DOCK1: variants seen among roughly 807,000 people sequenced by gnomAD.
DOCK1 encodes dedicator of cytokinesis 1, also known as dedicator of cytokinesis protein 1.
In DOCK1, 138 loss-of-function variants were observed where a neutral mutation model predicts 262.7. The ratio of observed to expected loss-of-function variants is 0.53; its 90% CI spans 0.46 to 0.61. The LOEUF (loss-of-function observed/expected upper bound fraction) is 0.61, where lower values mean the gene tolerates loss of function less well. Ranked by LOEUF, DOCK1 falls within the 20% of genes least tolerant of loss-of-function variation. The pLI, the probability that DOCK1 is intolerant of heterozygous loss-of-function variation, is 0.00. For missense variants in DOCK1, 1,908 were observed against 2,370.7 expected (o/e 0.80, Z 4.05); for synonymous variants, 866 against 867.4 (o/e 1.00, Z 0.03).
chr10:126,912,016 G>T lies in DOCK1; in HGVS notation c.46+6453G>T, dbSNP rs940512285. On this transcript the variant is annotated intron_variant, in intron 1 of 51. Transcript: ENST00000623213. ...ACAATTCTGTAATGCCGGAGTCAAG[G>T]TGTTTTGGTGGTTGGTTTCTTCTGA... 2.6e-5 allele frequency among the ~76,000 whole-genome samples: 4 copies of T among 152,180 alleles called. No homozygotes were observed. In the East Asian group the frequency reaches 7.7e-4, roughly 29 times the overall value.
At chr10:127,279,806 TG>T (rs1336565203) in intron 29 of DOCK1, among the ~76,000 whole-genome samples, 2 of 152,010 alleles carry the variant, frequency 1.3e-5, no homozygotes, top group East Asian at 3.9e-4. Context: ...TGGGAGAGCC[TG>T]GTAATTTATA....
At chr10:127,147,955 CAGG>C (rs538971250) in intron 27 of DOCK1, among the ~76,000 whole-genome samples, 89 of 148,736 alleles carry the variant, frequency 6.0e-4, no homozygotes, top group African/African-American at 2.2e-3. Context: ...TGCTTCAACC[CAGG>C]AGGAGGAGGG....
chr10:127,243,006 C>T (rs1008287718), intron 27 of DOCK1, among the ~76,000 whole-genome samples: 2 of 152,140 alleles, frequency 1.3e-5, no homozygotes, highest in African/African-American at 4.8e-5. Context: ...CTTAGAAGAA[C>T]GTTAAAATTT....
intron 16 of DOCK1, among the ~76,000 whole-genome samples, chr10:127,029,623 A>G (rs1245859272): frequency 2.0e-5 from 3 of 152,198 alleles, no homozygotes; most frequent in South Asian, 2.1e-4. Flanking sequence ...ACTCCAGAAC[A>G]CACAACCCCT....
intron 4 of DOCK1, 63 bp from the exon 5 acceptor site, chr10:126,987,458 G>A (rs2134956957): frequency 7.3e-7 from 1 of 1,361,766 alleles, no homozygotes; most frequent in Non-Finnish European, 1.0e-6. Flanking sequence ...AAATTTACCA[G>A]GTACTACTCA....
At position 127,437,694 on chromosome 10, in the gene DOCK1, G is replaced by T. The variant is rs1329528638; in HGVS notation, c.5061-1333G>T. Reference sequence around the variant, plus strand: ...GGATCTTGCCATGTTGGCCAGGCTGGTCTCGAACTCCTGAGCTCAAATGAT... The same window carrying T: ...GGATCTTGCCATGTTGGCCAGGCTGTTCTCGAACTCCTGAGCTCAAATGAT... On this transcript the variant is annotated intron_variant, in intron 48 of 51. Coordinates refer to ENST00000623213, the MANE Select transcript of DOCK1 (RefSeq NM_001290223.2). The surrounding 1 kb of genome is among the most constrained non-coding windows in gnomAD (Gnocchi z 4.4). Among the ~76,000 whole-genome samples the T allele has an allele frequency of 6.6e-6, 1 of 152,070 alleles. No individual in the cohort carries two copies. The highest frequency in any genetic ancestry group is 6.6e-5 in the Admixed American group (1 of 15,266).
intron 29 of DOCK1, among the ~76,000 whole-genome samples, chr10:127,332,216 G>A (rs1040536623): frequency 6.6e-6 from 1 of 152,212 alleles, no homozygotes; most frequent in East Asian, 1.9e-4. Flanking sequence ...CCTCAGGCTA[G>A]AGCAGACGCA....
chr10:127,116,934 ACAT>A (rs1330566434), intron 25 of DOCK1, among the ~76,000 whole-genome samples: 3 of 152,204 alleles, frequency 2.0e-5, no homozygotes, highest in Non-Finnish European at 4.4e-5. Flanking sequence ...TGGAATGTAA[ACAT>A]CATTTTCTCT....
rs1035973855 is a variant in DOCK1 at position 126,932,551 on chromosome 10, G to A, written c.46+26988G>A. Among the ~76,000 whole-genome samples the A allele has an allele frequency of 2.7e-3, 414 of 152,264 alleles. 3 individuals are homozygous for A. Among genetic ancestry groups the A allele is most frequent in the African/African-American group, 9.5e-3 (394 of 41,536 alleles). ...TGGAGAGGCGGAGACACCAGGATAT[G>A]TGGCCGTGTGGGACTCTGTCTTGGA... On this transcript the variant is annotated intron_variant, in intron 1 of 51. Coordinates refer to ENST00000623213, the MANE Select transcript of DOCK1 (RefSeq NM_001290223.2).
intron 15 of DOCK1, chr10:127,026,069 A>AAAAG (rs74726326): frequency 6.4e-6 from 2 of 310,222 alleles, no homozygotes; most frequent in Non-Finnish European, 5.9e-6. Flanking sequence ...CAAAAAAAAA[A>AAAAG]AAAGAAAGAA....
intron 29 of DOCK1, among the ~76,000 whole-genome samples, chr10:127,261,386 T>C (rs373717639): frequency 7.2e-6 from 1 of 138,046 alleles, no homozygotes; most frequent in African/African-American, 2.8e-5. Flanking sequence ...GGTGTGTGTG[T>C]ACCTGCATGT....
intron 7 of DOCK1, 59 bp from the exon 8 acceptor site, chr10:126,998,033 A>G: frequency 6.3e-7 from 1 of 1,595,624 alleles, no homozygotes. Context: ...GGAATAAAGA[A>G]AGCAAGTGTC....
intron 12 of DOCK1, among the ~76,000 whole-genome samples, chr10:127,017,154 C>T (rs545584967): frequency 8.8e-6 from 1 of 113,722 alleles, no homozygotes; most frequent in African/African-American, 3.3e-5. Context: ...GATACAGACA[C>T]CACAAACACA....
At position 127,421,072 on chromosome 10, in the gene DOCK1, A is replaced by G. The variant is rs541614425; in HGVS notation, c.4776+1323A>G. Among the ~76,000 whole-genome samples, 306 of 152,040 alleles carry G rather than the reference A, an allele frequency of 2.0e-3. 2 individuals are homozygous for G. The highest frequency in any genetic ancestry group is 7.0e-3 in the African/African-American group (291 of 41,490). ...GCTGGGACTGCAAGTGTGCACCACC[A>G]TGCCCGGCTAATTTTTTTGTACTTG... On this transcript the variant is annotated intron_variant, in intron 46 of 51. Coordinates refer to ENST00000623213, the MANE Select transcript of DOCK1 (RefSeq NM_001290223.2).
intron 1 of DOCK1, among the ~76,000 whole-genome samples, chr10:126,907,080 A>G (rs1200093450): frequency 1.3e-5 from 2 of 152,130 alleles, no homozygotes; most frequent in Non-Finnish European, 2.9e-5. Flanking sequence ...GCACCACCTA[A>G]TGGATTCAGT....
chr10:126,967,678 T>C (rs2037774913), intron 1 of DOCK1, among the ~76,000 whole-genome samples: 2 of 152,132 alleles, frequency 1.3e-5, no homozygotes, highest in African/African-American at 4.8e-5. Context: ...TCGGCTTGTT[T>C]TGCCTCTTTC....
intron 2 of DOCK1, among the ~76,000 whole-genome samples, chr10:126,974,399 G>A (rs182890276): frequency 2.6e-5 from 4 of 152,260 alleles, no homozygotes; most frequent in African/African-American, 7.2e-5. Context: ...TGACTAGACC[G>A]CCATTTTCCT....
intron 43 of DOCK1, among the ~76,000 whole-genome samples, chr10:127,414,580 GTTATCAGCTT>G (rs1388774660): frequency 6.6e-6 from 1 of 152,142 alleles, no homozygotes; most frequent in Non-Finnish European, 1.5e-5. Context: ...AAGCATATAG[GTTATCAGCTT>G]CAGGTAGGGG....
intron 16 of DOCK1, among the ~76,000 whole-genome samples, chr10:127,030,767 A>G (rs2043179523): frequency 6.6e-6 from 1 of 152,152 alleles, no homozygotes; most frequent in African/African-American, 2.4e-5. Context: ...CAACAAGATC[A>G]ACAAGATTCT....
Sources: gnomAD v4.1 joint callset for allele counts (sites outside exome capture counted in the v4.1 genomes callset) on GRCh38, gnomAD v4.1.1 for gene constraint, Gnocchi (gnomAD v3.1) non-coding constraint, MANE v1.5 for transcripts, NCBI Gene and HGNC (gene_info 2026-07-23, HGNC 2026-07-21) for gene names.